RASA3: variants seen among roughly 807,000 people sequenced by gnomAD.
RASA3 encodes RAS p21 protein activator 3, also known as ras GTPase-activating protein 3.
A neutral mutation model predicts 110.0 loss-of-function variants in RASA3; 73 were observed. The observed-to-expected ratio is 0.66, with a 90% confidence interval of 0.55 to 0.81. The LOEUF (loss-of-function observed/expected upper bound fraction) is 0.81, where lower values mean the gene tolerates loss of function less well. Ranked by LOEUF, RASA3 falls within the 30% of genes least tolerant of loss-of-function variation. RASA3 has a pLI of 0.00. For synonymous variants in RASA3, 500 were observed against 451.4 expected, an observed-to-expected ratio of 1.11 and a Z score of -1.37; for missense variants, 976 against 1,113.2, an observed-to-expected ratio of 0.88 and a Z score of 1.75.
rs534243082 is a variant in RASA3 at position 114,100,811 on chromosome 13, C to G, written c.56-26974G>C. Among the ~76,000 whole-genome samples the G allele has an allele frequency of 5.9e-5, 9 of 152,332 alleles. No individual in the cohort carries two copies. In the South Asian group the frequency reaches 1.5e-3, roughly 25 times the overall value. On this transcript the variant is annotated intron_variant, in intron 1 of 23. Transcript: ENST00000334062. ...CCCAGGGACACCGGAAGCCGTGGAG[C>G]CCGGGCCCCATGCGTCTGTGTTCTC...
intron 1 of RASA3, among the ~76,000 whole-genome samples, chr13:114,111,587 C>T (rs1303206684): frequency 1.3e-5 from 2 of 151,136 alleles, no homozygotes; most frequent in African/African-American, 4.9e-5. Flanking sequence ...CGAGTTCTAA[C>T]GGGCTGAGCC....
intron 1 of RASA3, among the ~76,000 whole-genome samples, chr13:114,128,006 G>A (rs879805158): frequency 6.6e-6 from 1 of 152,212 alleles, no homozygotes; most frequent in Non-Finnish European, 1.5e-5. Context: ...CCGGGCCCCA[G>A]GCTGAACCTG....
intron 3 of RASA3, among the ~76,000 whole-genome samples, chr13:114,047,534 A>G (rs1315299048): frequency 6.6e-6 from 1 of 152,260 alleles, no homozygotes. Flanking sequence ...GTGACCCAGC[A>G]ACCTCGCTCC....
chr13:114,017,406 C>G, intron 11 of RASA3, 55 bp from the exon 12 acceptor site: 1 of 1,436,996 alleles, frequency 7.0e-7, no homozygotes, highest in South Asian at 1.2e-5. Context: ...GAAGTGCAGA[C>G]GGAGCAGAGC....
chr13:114,121,345 A>T (rs1252424046), intron 1 of RASA3, among the ~76,000 whole-genome samples: 1 of 152,254 alleles, frequency 6.6e-6, no homozygotes, highest in East Asian at 1.9e-4. Context: ...GGTAGAATAA[A>T]AATGATTAAG....
intron 1 of RASA3, among the ~76,000 whole-genome samples, chr13:114,093,377 A>G (rs1247615375): frequency 6.6e-6 from 1 of 152,196 alleles, no homozygotes; most frequent in Non-Finnish European, 1.5e-5. Flanking sequence ...CACTCTGAAT[A>G]TATCATCCCA....
intron 20 of RASA3, among the ~76,000 whole-genome samples, chr13:113,997,214 C>G (rs139372766): frequency 1.3e-5 from 2 of 152,212 alleles, no homozygotes; most frequent in African/African-American, 2.4e-5. Context: ...CTTCCTCCTC[C>G]TCCCAGCTGG....
intron 1 of RASA3, among the ~76,000 whole-genome samples, chr13:114,094,931 A>G (rs1350137048): frequency 6.6e-6 from 1 of 152,204 alleles, no homozygotes; most frequent in Admixed American, 6.5e-5. Context: ...AGCACTCTTC[A>G]GAGTTCTAGA....
At chr13:114,128,076 G>A (rs1299458924) in intron 1 of RASA3, among the ~76,000 whole-genome samples, 3 of 152,198 alleles carry the variant, frequency 2.0e-5, no homozygotes, top group Non-Finnish European at 4.4e-5. Flanking sequence ...TTCGTCCTCA[G>A]GGGTTAAAAA....
intron 23 of RASA3, among the ~76,000 whole-genome samples, chr13:113,980,301 G>A (rs73584257): frequency 0.053 from 7,570 of 144,124 alleles, 646 homozygotes; most frequent in African/African-American, 0.19. Context: ...CTTCTGCCAT[G>A]TATGTGCACC....
intron 2 of RASA3, among the ~76,000 whole-genome samples, chr13:114,064,954 T>C (rs2079421329): frequency 6.6e-6 from 1 of 152,226 alleles, no homozygotes; most frequent in South Asian, 2.1e-4. Context: ...CAGCAGCCTC[T>C]CCCTCTGAGG....
rs1033937016 is a variant in RASA3, at chr13:114,099,251, G to C, written c.56-25414C>G. 2.6e-5 allele frequency among the ~76,000 whole-genome samples: 4 copies of C among 152,048 alleles called. No individual in the cohort carries two copies. The East Asian group carries it at 7.7e-4, about 29-fold the overall frequency. On this transcript the variant is annotated intron_variant, in intron 1 of 23. Coordinates refer to ENST00000334062, the MANE Select transcript of RASA3 (RefSeq NM_007368.4). ...AGAACAGCAGTGAAGGTCAGAGCCAGAAGCACAGCAGACGCTCCCAAGCCA... is the reference window on the plus strand; with the variant it reads ...AGAACAGCAGTGAAGGTCAGAGCCACAAGCACAGCAGACGCTCCCAAGCCA...
intron 4 of RASA3, among the ~76,000 whole-genome samples, chr13:114,031,884 G>A (rs2054176488): frequency 6.6e-6 from 1 of 152,164 alleles, no homozygotes; most frequent in African/African-American, 2.4e-5. Flanking sequence ...GTGGACGGCA[G>A]AACCGACAGC....
intron 20 of RASA3, among the ~76,000 whole-genome samples, 179 bp downstream of exon 20, chr13:113,999,406 C>A (rs923641066): frequency 4.6e-5 from 7 of 152,056 alleles, no homozygotes; most frequent in Middle Eastern, 6.8e-3. Flanking sequence ...TGCTTTGATG[C>A]GAGATTCCGA....
At chr13:114,076,058 C>T (rs1566555937) in intron 1 of RASA3, among the ~76,000 whole-genome samples, 1 of 152,198 alleles carries the variant, frequency 6.6e-6, no homozygotes, top group South Asian at 2.1e-4. Context: ...CCCGCTGCTG[C>T]CCACACGGAG....
At chr13:114,111,877 A>G (rs976317556) in intron 1 of RASA3, among the ~76,000 whole-genome samples, 1 of 152,216 alleles carries the variant, frequency 6.6e-6, no homozygotes, top group Admixed American at 6.5e-5. Context: ...CCAGAGGATC[A>G]TCGGATCCTG....
chr13:114,018,277 C>T, intron 10 of RASA3, 25 bp from the exon 11 acceptor site: 6 of 1,543,414 alleles, frequency 3.9e-6, no homozygotes, highest in Non-Finnish European at 5.2e-6. Flanking sequence ...GAGGTCAGTG[C>T]CAGGGCCCGG....
intron 4 of RASA3, among the ~76,000 whole-genome samples, chr13:114,034,076 C>G (rs1266894784): frequency 1.3e-5 from 2 of 152,078 alleles, no homozygotes; most frequent in East Asian, 3.9e-4. Context: ...GTGCCCTGAA[C>G]ACCAGCCGGG....
chr13:114,061,094 A>G (rs2079337546), intron 2 of RASA3, among the ~76,000 whole-genome samples: 1 of 150,874 alleles, frequency 6.6e-6, no homozygotes, highest in Non-Finnish European at 1.5e-5. Flanking sequence ...CACAGAAATT[A>G]CTCACTTAAA....
Sources: allele counts gnomAD v4.1 joint callset (sites outside exome capture counted in the v4.1 genomes callset), GRCh38; gene constraint gnomAD v4.1.1; transcripts MANE v1.5; gene names NCBI Gene and HGNC (gene_info 2026-07-23, HGNC 2026-07-21).